The following AUTS2 variants were observed in gnomAD, a reference collection of about 807,000 sequenced individuals.
AUTS2 encodes autism susceptibility gene 2 protein.
A neutral mutation model predicts 112.4 loss-of-function variants in AUTS2; 17 were observed. The observed-to-expected ratio is 0.15, with a 90% CI of 0.10 to 0.23. The LOEUF is 0.23. AUTS2 is among the 10% of genes least tolerant of loss of function. The pLI is 1.00. For synonymous variants in AUTS2, 751 were observed against 702.7 expected, an observed-to-expected ratio of 1.07 and a Z score of -1.09; for missense variants, 1,510 against 1,701.6, an observed-to-expected ratio of 0.89 and a Z score of 1.98.
intron 4 of AUTS2, among the ~76,000 whole-genome samples, chr7:70,334,597 T>A (rs1183906347): frequency 6.6e-6 from 1 of 152,186 alleles, no homozygotes; most frequent in Admixed American, 6.6e-5. Context: ...ATTCTGGAGA[T>A]CCTTATGGTT....
chr7:70,370,295 C>A lies in AUTS2; in HGVS notation c.661-65457C>A, dbSNP rs568287566. ...TCAATTTCATGACCCAAAAAAGAAA[C>A]CCTGCACTCCCTATCCATACCTCCT... is the stretch of plus-strand genomic sequence containing the variant. On this transcript the variant is annotated intron_variant, in intron 4 of 18. Coordinates refer to ENST00000342771, the MANE Select transcript of AUTS2 (RefSeq NM_015570.4). 2.0e-5 allele frequency among the ~76,000 whole-genome samples: 3 copies of A among 152,182 alleles called. No homozygotes were observed. In the South Asian group the frequency reaches 6.2e-4, roughly 32 times the overall value.
At position 70,416,263 on chromosome 7, in the gene AUTS2, A is replaced by G. The variant is rs541493509; in HGVS notation, c.661-19489A>G. Among the ~76,000 whole-genome samples the G allele has an allele frequency of 6.2e-4, 95 of 152,374 alleles. 2 individuals carry two copies. In the South Asian group the frequency reaches 0.019, roughly 31 times the overall value. ...CAATAGTCTATGCCTTCAATAGCAT[A>G]ACTACAACAACCCATCACACTTTGG... On this transcript the variant is annotated intron_variant, in intron 4 of 18. Transcript: ENST00000342771.
chr7:70,052,775 C>A (rs545833548), intron 2 of AUTS2, among the ~76,000 whole-genome samples: 24 of 152,180 alleles, frequency 1.6e-4, no homozygotes, highest in Non-Finnish European at 2.8e-4. Context: ...CCTATCCCAG[C>A]ATTTCCTCAA....
chr7:69,604,363 T>C (rs539100610), intron 1 of AUTS2, among the ~76,000 whole-genome samples: 6 of 152,248 alleles, frequency 3.9e-5, no homozygotes, highest in Non-Finnish European at 8.8e-5. Flanking sequence ...GTGCTTAATA[T>C]GTACAAGGCA....
In AUTS2 at chr7:70,040,107, G is replaced by C. The variant is rs1438305768; in HGVS notation, c.523-78025G>C. Among the ~76,000 whole-genome samples, 6 of 152,240 alleles carry C rather than the reference G, an allele frequency of 3.9e-5. No homozygotes were observed. The East Asian group carries it at 1.2e-3, about 29-fold the overall frequency. ...ATAGGCAGAGTGGAGAGGATTTTTA[G>C]GGCAGTGACTCTGTATTACAGTGGG... On this transcript the variant is annotated intron_variant, in intron 2 of 18. Coordinates refer to ENST00000342771, the MANE Select transcript of AUTS2 (RefSeq NM_015570.4).
chr7:69,940,103 A>T (rs1796565466), intron 2 of AUTS2, among the ~76,000 whole-genome samples: 1 of 152,206 alleles, frequency 6.6e-6, no homozygotes, highest in African/African-American at 2.4e-5. Context: ...TTTATAGGTA[A>T]CACAACCCAG....
Position 69,599,072 on chromosome 7 carries a change from G to A in AUTS2, c.-582G>A, listed in dbSNP as rs917344105. 1 of 151,724 alleles carries A rather than the reference G, an allele frequency of 6.6e-6. No individual in the cohort carries two copies. Among genetic ancestry groups the A allele is most frequent in the African/African-American group, 2.4e-5 (1 of 41,272 alleles). 9.4% of individuals were successfully genotyped at this position (151,724 alleles called of 1,614,324 possible). ...AGCCTGGGAGTGAGTTTTCTCCGAG[G>A]CGTGTGTGAGAGGCGGCGGGGGTGT... On this transcript the variant is annotated 5_prime_UTR_variant, in exon 1 of 19. Coordinates refer to ENST00000342771, the MANE Select transcript of AUTS2 (RefSeq NM_015570.4). This position sits in a 1 kb window ranked among gnomAD's most constrained non-coding sequence, Gnocchi z 7.0.
intron 4 of AUTS2, among the ~76,000 whole-genome samples, chr7:70,217,122 T>C (rs1187531173): frequency 6.6e-6 from 1 of 152,208 alleles, no homozygotes; most frequent in Non-Finnish European, 1.5e-5. Flanking sequence ...TTTCAGCTTT[T>C]ATTAGCAAGA....
intron 4 of AUTS2, among the ~76,000 whole-genome samples, chr7:70,373,822 C>A (rs1792957434): frequency 6.6e-6 from 1 of 151,990 alleles, no homozygotes; most frequent in Non-Finnish European, 1.5e-5. Flanking sequence ...TTGTTTATAT[C>A]CTTCTAGTCT....
rs74300624 is a variant in AUTS2, at chr7:69,624,879, A to T, written c.309+24917A>T. On this transcript the variant is annotated intron_variant, in intron 1 of 18. Coordinates refer to ENST00000342771, the MANE Select transcript of AUTS2 (RefSeq NM_015570.4). ...AAATCTGTTATGGCACTCTGCAGTT[A>T]TCTGTCCATTAATAGTGGAGAAACT... 6.0e-4 allele frequency among the ~76,000 whole-genome samples: 91 copies of T among 152,252 alleles called. 2 individuals carry two copies. The East Asian group carries it at 0.017, about 28-fold the overall frequency.
At chr7:70,618,123 C>T (rs948928593) in intron 5 of AUTS2, among the ~76,000 whole-genome samples, 3 of 152,200 alleles carry the variant, frequency 2.0e-5, no homozygotes, top group African/African-American at 7.2e-5. Flanking sequence ...TTGACATCTA[C>T]CAGTGTGCAC....
intron 4 of AUTS2, among the ~76,000 whole-genome samples, chr7:70,306,373 A>C (rs1305977000): frequency 6.6e-6 from 1 of 152,178 alleles, no homozygotes; most frequent in African/African-American, 2.4e-5. Flanking sequence ...CAATTCTTGG[A>C]GCATGTGCTG....
chr7:69,859,590 G>A lies in AUTS2; in HGVS notation c.310-39696G>A, dbSNP rs180789687. On this transcript the variant is annotated intron_variant, in intron 1 of 18. Coordinates refer to ENST00000342771, the MANE Select transcript of AUTS2 (RefSeq NM_015570.4). The stretch of plus-strand genomic sequence containing the variant: ...TAGGCATTAAACCCTAATCTCTTGT[G>A]GATGTTTGCTTTGTAGATTTAGGAG... 5.9e-5 allele frequency among the ~76,000 whole-genome samples: 9 copies of A among 152,278 alleles called. No homozygotes were observed. In the East Asian group the frequency reaches 1.7e-3, roughly 29 times the overall value.
chr7:70,515,147 G>A lies in AUTS2; in HGVS notation c.690+79366G>A, dbSNP rs1004685954. Among the ~76,000 whole-genome samples the A allele has an allele frequency of 5.3e-5, 8 of 152,146 alleles. No individual in the cohort carries two copies. The South Asian group carries it at 1.5e-3, about 28-fold the overall frequency. On this transcript the variant is annotated intron_variant, in intron 5 of 18. Coordinates refer to ENST00000342771, the MANE Select transcript of AUTS2 (RefSeq NM_015570.4). ...ATAGAGTCATGCAGGTGATGCTCAG[G>A]AGTTAAGAGTCTCTCCTGCAGGCAG...
chr7:69,657,976 T>C lies in AUTS2; in HGVS notation c.309+58014T>C, dbSNP rs146847251. 2.0e-5 allele frequency among the ~76,000 whole-genome samples: 3 copies of C among 152,404 alleles called. No individual in the cohort carries two copies. In the East Asian group the frequency reaches 5.8e-4, roughly 29 times the overall value. The stretch of plus-strand genomic sequence containing the variant: ...TGGTCCACAGGCCAAACCAGGCCAC[T>C]ACCTGTTTTTATGCGGTCATGAGCT... On this transcript the variant is annotated intron_variant, in intron 1 of 18. Transcript: ENST00000342771.
At chr7:69,877,823 G>T (rs1221308819) in intron 1 of AUTS2, among the ~76,000 whole-genome samples, 2 of 152,142 alleles carry the variant, frequency 1.3e-5, no homozygotes, top group Admixed American at 6.5e-5. Context: ...GGTGTAGACA[G>T]AAAGTGCTAG....
At chr7:70,400,122 C>T (rs1252365578) in intron 4 of AUTS2, among the ~76,000 whole-genome samples, 2 of 152,196 alleles carry the variant, frequency 1.3e-5, no homozygotes, top group African/African-American at 4.8e-5. Flanking sequence ...AAGTGTGGAT[C>T]CTTGCAATGG....
At chr7:70,601,314 C>T (rs958092207) in intron 5 of AUTS2, among the ~76,000 whole-genome samples, 2 of 152,146 alleles carry the variant, frequency 1.3e-5, no homozygotes, top group Non-Finnish European at 2.9e-5. Context: ...GCTATTTGTA[C>T]ATCTGCTATG....
chr7:69,718,132 A>G (rs1198365483), intron 1 of AUTS2, among the ~76,000 whole-genome samples: 7 of 152,206 alleles, frequency 4.6e-5, no homozygotes, highest in African/African-American at 1.7e-4. Context: ...TTCCTATAAT[A>G]CAAAGATTAT....
Sources: gnomAD v4.1 joint callset for allele counts (sites outside exome capture counted in the v4.1 genomes callset) on GRCh38, gnomAD v4.1.1 for gene constraint, Gnocchi (gnomAD v3.1) non-coding constraint, MANE v1.5 for transcripts, NCBI Gene and HGNC (gene_info 2026-07-23, HGNC 2026-07-21) for gene names.